Variants in NUP155 observed in about 807,000 individuals in gnomAD.
The protein encoded by NUP155 is nuclear pore complex protein Nup155.
In NUP155, 71 loss-of-function variants were observed where a neutral mutation model predicts 180.4. The ratio of observed to expected loss-of-function variants is 0.39; its 90% CI spans 0.33 to 0.48. The LOEUF is 0.48. Ranked by LOEUF, NUP155 falls within the 20% of genes least tolerant of loss-of-function variation. NUP155 has a pLI of 0.91. For synonymous variants in NUP155, 582 were observed against 559.5 expected, an observed-to-expected ratio of 1.04 and a Z score of -0.57; for missense variants, 1,553 against 1,648.9, an observed-to-expected ratio of 0.94 and a Z score of 1.01.
intron 4 of NUP155, among the ~76,000 whole-genome samples, chr5:37,353,326 C>A (rs13161931): frequency 0.17 from 26,334 of 151,924 alleles, 2,683 homozygotes; most frequent in East Asian, 0.3. Flanking sequence ...TGGCCGGGCA[C>A]GCCTGTAATC....
At position 37,328,144 on chromosome 5, in the gene NUP155, A is replaced by C. The variant is rs558554258; in HGVS notation, c.1876+214T>G. Among the ~76,000 whole-genome samples the C allele has an allele frequency of 2.0e-5, 3 of 152,342 alleles. No homozygotes were observed. The East Asian group carries it at 5.8e-4, about 29-fold the overall frequency. ...GGGTTCAATTTAATCCTGGTAGCCAAATAATGGGCTTTCCAGGCTTATTAT... is the reference window on the plus strand; with the variant it reads ...GGGTTCAATTTAATCCTGGTAGCCACATAATGGGCTTTCCAGGCTTATTAT... On this transcript the variant is annotated intron_variant, in intron 17 of 34. Coordinates refer to ENST00000231498, the MANE Select transcript of NUP155 (RefSeq NM_153485.3).
At chr5:37,340,550 T>C (rs541613973) in intron 11 of NUP155, among the ~76,000 whole-genome samples, 28 of 152,124 alleles carry the variant, frequency 1.8e-4, no homozygotes, top group South Asian at 4.1e-4. Flanking sequence ...ATGGATAATA[T>C]AGACCAACAG....
chr5:37,365,368 T>C (rs79171289), intron 1 of NUP155, among the ~76,000 whole-genome samples: 7,337 of 152,138 alleles, frequency 0.048, 197 homozygotes, highest in South Asian at 0.077. Flanking sequence ...CCTGATGTGA[T>C]CATTTCACAT....
At chr5:37,355,595 C>T (rs7729149) in intron 4 of NUP155, among the ~76,000 whole-genome samples, 114,458 of 138,440 alleles carry the variant, frequency 0.83, 45,484 homozygotes, top group East Asian at 0.88. Flanking sequence ...GTTTGTTTTT[C>T]AGAGGCGATG....
At chr5:37,309,098 TA>T in intron 24 of NUP155, 30 bp downstream of exon 24, 1 of 1,608,164 alleles carries the variant, frequency 6.2e-7, no homozygotes, top group Non-Finnish European at 8.5e-7. Flanking sequence ...TTGAGTTGAG[TA>T]AAAGATACAA....
chr5:37,358,765 A>T (rs1302273815), intron 3 of NUP155, among the ~76,000 whole-genome samples: 4 of 152,122 alleles, frequency 2.6e-5, no homozygotes, highest in African/African-American at 4.8e-5. Flanking sequence ...ACACCTGTAA[A>T]CCCAGCACTT....
chr5:37,318,146 C>G, intron 20 of NUP155, 61 bp from the exon 21 acceptor site: 3 of 924,932 alleles, frequency 3.2e-6, no homozygotes, highest in Non-Finnish European at 5.4e-6. Flanking sequence ...ATAACACATA[C>G]AGTACAATTC....
Position 37,341,213 on chromosome 5 carries a change from A to G in NUP155, c.1123T>C (p.Phe375Leu). The stretch of plus-strand genomic sequence containing the variant: ...TTAGGCCGTGCTAATGGCTGTCTGA[A>G]TGGACAAGTGCTAAAATATAACCTA... ...GVRLYFSTCP[F>L]RQPLARPNTL... Residue 375 changes from phenylalanine (F) to leucine (L), a missense_variant, in exon 11 of 35, where the codon TTC becomes CTC. Phe to Leu is a conservative substitution (Grantham distance 22). Transcript: ENST00000231498. The G allele has an allele frequency of 6.2e-7, 1 of 1,614,104 alleles. No individual in the cohort carries two copies. The highest frequency in any genetic ancestry group is 8.5e-7 in the Non-Finnish European group (1 of 1,179,948).
chr5:37,327,064 TTTC>T (rs1473881675), intron 18 of NUP155: 3 of 154,314 alleles, frequency 1.9e-5, no homozygotes, highest in African/African-American at 7.2e-5. Context: ...TCCTTATGAT[TTTC>T]TTAATTTTTT....
At position 37,363,834 on chromosome 5, in the gene NUP155, A is replaced by G. The variant is rs1015857004; in HGVS notation, c.392+54T>C. On this transcript the variant is annotated intron_variant, in intron 3 of 34. Coordinates refer to ENST00000231498, the MANE Select transcript of NUP155 (RefSeq NM_153485.3). Reference sequence around the variant, plus strand: ...TTCTAATGAGAACACTAGCTACAGTAAAGTTTATATAAATTCCAATCACCC... The same window carrying G: ...TTCTAATGAGAACACTAGCTACAGTGAAGTTTATATAAATTCCAATCACCC... 6.0e-6 allele frequency: 7 copies of G among 1,159,220 alleles called. No individual in the cohort carries two copies. In the African/African-American group the frequency reaches 7.6e-5, roughly 13 times the overall value. The allele number at this position is 1,159,220 out of a possible 1,614,324, so 71.8% of individuals were successfully genotyped here.
intron 32 of NUP155, among the ~76,000 whole-genome samples, chr5:37,295,292 G>A (rs558418900): frequency 7.9e-4 from 120 of 152,304 alleles, no homozygotes; most frequent in African/African-American, 2.2e-3. Context: ...CGAGTGATCC[G>A]CCAGCCTCGG....
rs759833808 is a variant in NUP155, at chr5:37,364,208, T to C, written c.295+39A>G. The stretch of plus-strand genomic sequence containing the variant: ...GAATTATAAGAATGAAAAATACCAA[T>C]TTTAACATTTTTAAAATAAATACAA... On this transcript the variant is annotated intron_variant, in intron 2 of 34. Coordinates refer to ENST00000231498, the MANE Select transcript of NUP155 (RefSeq NM_153485.3). 5.3e-6 allele frequency: 8 copies of C among 1,496,294 alleles called. No homozygotes were observed. In the East Asian group the frequency reaches 1.9e-4, roughly 35 times the overall value. The allele number at this position is 1,496,294 out of a possible 1,614,324, so 92.7% of individuals were successfully genotyped here.
At chr5:37,299,098 T>C (rs1165455428) in intron 31 of NUP155, 120 bp from the exon 32 acceptor site, 1 of 720,038 alleles carries the variant, frequency 1.4e-6, no homozygotes, top group African/African-American at 1.7e-5. Flanking sequence ...CACATTAATA[T>C]GATTAACAGA....
Position 37,342,532 on chromosome 5 carries a change from T to G in NUP155, c.1093+17A>C. ...AGTTGTAACAGTAATAGCAGATATGTAAATAAAACAACATACCTGCATGTG... is the reference window on the plus strand; with the variant it reads ...AGTTGTAACAGTAATAGCAGATATGGAAATAAAACAACATACCTGCATGTG... On this transcript the variant is annotated intron_variant, in intron 10 of 34. Coordinates refer to ENST00000231498, the MANE Select transcript of NUP155 (RefSeq NM_153485.3). 1.3e-6 allele frequency: 2 copies of G among 1,508,822 alleles called. No homozygotes were observed. The highest frequency in any genetic ancestry group is 2.3e-5 in the South Asian group (2 of 88,808). The allele number at this position is 1,508,822 out of a possible 1,614,324, so 93.5% of individuals were successfully genotyped here.
chr5:37,310,238 C>T (rs146466685), intron 23 of NUP155, among the ~76,000 whole-genome samples: 86 of 152,142 alleles, frequency 5.7e-4, no homozygotes, highest in African/African-American at 2.0e-3. Flanking sequence ...ACATGAGAGG[C>T]CTGCTTGAGT....
chr5:37,303,512 G>A (rs1030757436), intron 27 of NUP155, 98 bp from the exon 28 acceptor site: 2 of 1,041,082 alleles, frequency 1.9e-6, no homozygotes, highest in African/African-American at 3.2e-5. Flanking sequence ...CTACAACTTT[G>A]CCTTGTTTTA....
At chr5:37,354,382 T>TG (rs1333763478) in intron 4 of NUP155, among the ~76,000 whole-genome samples, 2 of 152,082 alleles carry the variant, frequency 1.3e-5, no homozygotes, top group Admixed American at 6.6e-5. Flanking sequence ...TGACGTCAGT[T>TG]GATCCACCCG....
intron 20 of NUP155, among the ~76,000 whole-genome samples, chr5:37,318,820 G>A (rs1041497486): frequency 5.3e-5 from 8 of 151,790 alleles, no homozygotes; most frequent in South Asian, 2.1e-4. Flanking sequence ...TTTGAATTTC[G>A]GTAACAAAAA....
rs770119934 is a variant in NUP155 at position 37,323,982 on chromosome 5, T to G, written c.2207+10A>C. ...AAAAAGATGAATTAATAAACCCTAT[T>G]TATTCTTACTTTGGATTTCCTAATG... On this transcript the variant is annotated intron_variant, in intron 20 of 34. Coordinates refer to ENST00000231498, the MANE Select transcript of NUP155 (RefSeq NM_153485.3). 8 of 1,521,770 alleles carry G rather than the reference T, an allele frequency of 5.3e-6. No homozygotes were observed. Among genetic ancestry groups the G allele is most frequent in the Non-Finnish European group, 7.3e-6 (8 of 1,096,142 alleles). 94.3% of individuals were successfully genotyped at this position (1,521,770 alleles called of 1,614,324 possible). A position where few individuals can be genotyped will look rare whatever the true frequency, so the allele number is the denominator to read the frequency against.
Sources: gnomAD v4.1 joint callset for allele counts (sites outside exome capture counted in the v4.1 genomes callset) on GRCh38, gnomAD v4.1.1 for gene constraint, MANE v1.5 for transcripts, NCBI Gene and HGNC (gene_info 2026-07-23, HGNC 2026-07-21) for gene names.